SMYD3: variants seen among roughly 807,000 people sequenced by gnomAD.
SMYD3 encodes SET and MYND domain containing 3.
SMYD3 carries 36 observed loss-of-function variants against 57.7 expected under a neutral mutation model. That is an observed-to-expected ratio of 0.62 (90% CI 0.48 to 0.82). The LOEUF (loss-of-function observed/expected upper bound fraction) is 0.82, where lower values mean the gene tolerates loss of function less well. Among genes scored for constraint, SMYD3 ranks in the 40% least tolerant of loss-of-function variants. The pLI is 0.00. For synonymous variants in SMYD3, 211 were observed against 195.0 expected, an observed-to-expected ratio of 1.08 and a Z score of -0.68; for missense variants, 515 against 538.8, an observed-to-expected ratio of 0.96 and a Z score of 0.44.
At chr1:245,777,798 C>T (rs139429159) in intron 10 of SMYD3, among the ~76,000 whole-genome samples, 34 of 152,252 alleles carry the variant, frequency 2.2e-4, no homozygotes, top group Admixed American at 1.0e-3. Context: ...AGCTCCACTG[C>T]GTACTCCACA....
chr1:246,207,999 T>C (rs2063026917), intron 5 of SMYD3, among the ~76,000 whole-genome samples: 5 of 152,110 alleles, frequency 3.3e-5, no homozygotes, highest in Admixed American at 3.3e-4. Context: ...ATTCTCAAAA[T>C]TTTTTTAAAA....
intron 5 of SMYD3, among the ~76,000 whole-genome samples, chr1:246,302,059 T>C (rs996504584): frequency 3.3e-5 from 5 of 152,136 alleles, no homozygotes; most frequent in Non-Finnish European, 5.9e-5. Flanking sequence ...TCCCTGGTTA[T>C]AGCAATTGCT....
intron 5 of SMYD3, among the ~76,000 whole-genome samples, chr1:246,044,650 G>C (rs929570463): frequency 6.6e-6 from 1 of 152,076 alleles, no homozygotes; most frequent in African/African-American, 2.4e-5. Context: ...TTCTATCAAG[G>C]CTGCAGAAGA....
chr1:245,881,999 A>G (rs1258650418), intron 8 of SMYD3, among the ~76,000 whole-genome samples: 1 of 152,186 alleles, frequency 6.6e-6, no homozygotes, highest in Non-Finnish European at 1.5e-5. Flanking sequence ...TTGTTGGGGA[A>G]GCTGGATCTC....
chr1:245,800,113 C>G (rs1051305399), intron 10 of SMYD3, among the ~76,000 whole-genome samples: 10 of 152,162 alleles, frequency 6.6e-5, no homozygotes, highest in African/African-American at 2.4e-4. Flanking sequence ...TCTCCCCATG[C>G]CTGTCACCAC....
At chr1:246,051,193 C>T (rs1281464687) in intron 5 of SMYD3, among the ~76,000 whole-genome samples, 1 of 150,006 alleles carries the variant, frequency 6.7e-6, no homozygotes, top group Admixed American at 6.6e-5. Flanking sequence ...TATAATGGCG[C>T]AGTCACAGTT....
At chr1:245,868,601 C>A (rs1273821274) in intron 8 of SMYD3, among the ~76,000 whole-genome samples, 1 of 152,190 alleles carries the variant, frequency 6.6e-6, no homozygotes, top group Non-Finnish European at 1.5e-5. Flanking sequence ...TTAGGTTGAT[C>A]CTAAGCCTTT....
At chr1:246,329,902 G>A (rs948417573) in intron 4 of SMYD3, among the ~76,000 whole-genome samples, 25 of 152,134 alleles carry the variant, frequency 1.6e-4, no homozygotes, top group Admixed American at 9.8e-4. Context: ...CAACCTTAAC[G>A]AAAAGGATCT....
intron 10 of SMYD3, among the ~76,000 whole-genome samples, chr1:245,764,585 T>G (rs927551163): frequency 6.6e-6 from 1 of 151,858 alleles, no homozygotes; most frequent in Non-Finnish European, 1.5e-5. Flanking sequence ...GTTTTCATCA[T>G]CCCCCAACTA....
chr1:246,302,619 G>T (rs1360660091), intron 5 of SMYD3, among the ~76,000 whole-genome samples: 2 of 152,072 alleles, frequency 1.3e-5, no homozygotes, highest in Non-Finnish European at 2.9e-5. Context: ...ATGGGTTAGG[G>T]TTAGCTAAGT....
Position 245,749,501 on chromosome 1 carries a change from G to T in SMYD3, c.*62C>A. 1 of 1,258,540 alleles carries T rather than the reference G, an allele frequency of 7.9e-7. No homozygotes were observed. The highest frequency in any genetic ancestry group is 1.2e-6 in the Non-Finnish European group (1 of 857,886). 78.0% of individuals were successfully genotyped at this position (1,258,540 alleles called of 1,614,324 possible). A position where few individuals can be genotyped will look rare whatever the true frequency, so the allele number is the denominator to read the frequency against. Reference sequence around the variant, plus strand: ...TCACACAGCTAACAAAGCATAGAGTGTGTGACCTCAATAAGGCATTCAACA... The same window carrying T: ...TCACACAGCTAACAAAGCATAGAGTTTGTGACCTCAATAAGGCATTCAACA... On this transcript the variant is annotated 3_prime_UTR_variant, in exon 12 of 12. Coordinates refer to ENST00000490107, the MANE Select transcript of SMYD3 (RefSeq NM_001167740.2).
chr1:246,183,866 T>C (rs1275724278), intron 5 of SMYD3, among the ~76,000 whole-genome samples: 3 of 152,182 alleles, frequency 2.0e-5, no homozygotes. Context: ...GAGAAGTAAA[T>C]GCGGTAGAAA....
intron 1 of SMYD3, among the ~76,000 whole-genome samples, chr1:246,360,367 T>C (rs1453601795): frequency 6.6e-6 from 1 of 151,606 alleles, no homozygotes; most frequent in Non-Finnish European, 1.5e-5. Context: ...ATTGTGAAAA[T>C]GGCCATATTG....
intron 5 of SMYD3, among the ~76,000 whole-genome samples, chr1:246,299,504 G>T (rs2064855754): frequency 2.0e-5 from 3 of 151,980 alleles, no homozygotes. Flanking sequence ...CATACCCAAA[G>T]GAATATAAAT....
chr1:245,933,221 T>A (rs976613290), intron 5 of SMYD3, among the ~76,000 whole-genome samples: 7 of 152,156 alleles, frequency 4.6e-5, no homozygotes, highest in African/African-American at 1.7e-4. Flanking sequence ...TCTTAGGGAA[T>A]TGCACAGGTT....
chr1:246,135,134 G>C (rs1200713718), intron 5 of SMYD3, among the ~76,000 whole-genome samples: 1 of 151,934 alleles, frequency 6.6e-6, no homozygotes, highest in Non-Finnish European at 1.5e-5. Context: ...CTCTTTTTCT[G>C]TTACAATATG....
intron 5 of SMYD3, among the ~76,000 whole-genome samples, chr1:245,977,547 T>G (rs1382432383): frequency 1.3e-5 from 2 of 152,134 alleles, no homozygotes; most frequent in East Asian, 1.9e-4. Flanking sequence ...GGTGTGGTGG[T>G]GCATGCCTGT....
chr1:246,381,488 T>C (rs1330785551), intron 1 of SMYD3, among the ~76,000 whole-genome samples: 1 of 152,152 alleles, frequency 6.6e-6, no homozygotes, highest in Non-Finnish European at 1.5e-5. Flanking sequence ...TAAAGTTGCA[T>C]ACACAAACCG....
intron 8 of SMYD3, among the ~76,000 whole-genome samples, chr1:245,875,801 CT>C (rs1337807751): frequency 6.6e-6 from 1 of 152,216 alleles, no homozygotes; most frequent in Non-Finnish European, 1.5e-5. Flanking sequence ...TTCTGTTTTA[CT>C]TTCCATTTAA....
Sources: gnomAD v4.1 joint callset for allele counts (sites outside exome capture counted in the v4.1 genomes callset) on GRCh38, gnomAD v4.1.1 for gene constraint, MANE v1.5 for transcripts, NCBI Gene and HGNC (gene_info 2026-07-23, HGNC 2026-07-21) for gene names.